PCDHGB2: variants seen among roughly 807,000 people sequenced by gnomAD.
The protein encoded by PCDHGB2 is protocadherin gamma subfamily B, 2, also known as protocadherin gamma-B2.
A neutral mutation model predicts 59.3 loss-of-function variants in PCDHGB2; 55 were observed. The ratio of observed to expected loss-of-function variants is 0.93; its 90% CI spans 0.75 to 1.16. The LOEUF (loss-of-function observed/expected upper bound fraction) is 1.16, where lower values mean the gene tolerates loss of function less well. PCDHGB2 is among the 50% of genes most tolerant of loss of function. PCDHGB2 has a pLI of 0.00. For missense variants in PCDHGB2, 1,228 were observed against 1,198.5 expected (o/e 1.02, Z -0.36); for synonymous variants, 516 against 512.0 (o/e 1.01, Z -0.11).
chr5:141,489,257 T>C lies in PCDHGB2; in HGVS notation c.2422-5550T>C, dbSNP rs2099684606. 5.8e-6 allele frequency: 9 copies of C among 1,550,190 alleles called. No homozygotes were observed. The highest frequency in any genetic ancestry group is 1.4e-5 in the African/African-American group (1 of 73,054). On this transcript the variant is annotated intron_variant, in intron 1 of 3. Transcript: ENST00000522605. This position sits in a 1 kb window ranked among gnomAD's most constrained non-coding sequence, Gnocchi z 4.5. Reference sequence around the variant, plus strand: ...TTCTGGGTCATGGGGCCCAAGACACTCCCACAGCTCGCTGGGAAATGGCAA... The same window carrying C: ...TTCTGGGTCATGGGGCCCAAGACACCCCCACAGCTCGCTGGGAAATGGCAA...
chr5:141,404,466 T>C lies in PCDHGB2; in HGVS notation c.2421+41910T>C, dbSNP rs536211455. ...CAAGGGTCTCCTCTCTCCACCTATG[T>C]CTCTATTAACTCAGACACTGGTGTG... On this transcript the variant is annotated intron_variant, in intron 1 of 3. Transcript: ENST00000522605. 28 of 1,613,558 alleles carry C rather than the reference T, an allele frequency of 1.7e-5. No individual in the cohort carries two copies. Among genetic ancestry groups the C allele is most frequent in the East Asian group, 2.2e-5 (1 of 44,882 alleles).
chr5:141,396,597 G>A (rs2150671251), intron 1 of PCDHGB2: 1 of 151,620 alleles, frequency 6.6e-6, no homozygotes, highest in Middle Eastern at 3.4e-3. Flanking sequence ...TCCAGCCTGG[G>A]CAACAGGGTG....
Position 141,384,336 on chromosome 5 carries a change from C to T in PCDHGB2, c.2421+21780C>T, listed in dbSNP as rs1779973302. On this transcript the variant is annotated intron_variant, in intron 1 of 3. Transcript: ENST00000522605. ...TTTTCTTAGTGACTGCACAGGACCA[C>T]GACAGTGAGGATAATGCCCAGATCA... 9 of 1,613,748 alleles carry T rather than the reference C, an allele frequency of 5.6e-6. No homozygotes were observed. The East Asian group carries it at 1.1e-4, about 20-fold the overall frequency.
At chr5:141,458,563 G>T (rs1181785251) in intron 1 of PCDHGB2, among the ~76,000 whole-genome samples, 1 of 140,116 alleles carries the variant, frequency 7.1e-6, no homozygotes, top group Non-Finnish European at 1.5e-5. Context: ...TTTTGGTTTT[G>T]GGTTTTTGTT....
Position 141,485,449 on chromosome 5 carries a change from A to G in PCDHGB2, c.2422-9358A>G, listed in dbSNP as rs2099613844. 6.2e-7 allele frequency: 1 copy of G among 1,614,054 alleles called. No homozygotes were observed. The highest frequency in any genetic ancestry group is 2.2e-5 in the East Asian group (1 of 44,876). On this transcript the variant is annotated intron_variant, in intron 1 of 3. Coordinates refer to ENST00000522605, the MANE Select transcript of PCDHGB2 (RefSeq NM_018923.3). The surrounding 1 kb of genome is among the most constrained non-coding windows in gnomAD (Gnocchi z 5.7). ...TGCTCATCAAGAACCCAATCGACCG[A>G]GAGGCACTGTGTGGGCTCAGTGCCA...
intron 1 of PCDHGB2, chr5:141,366,203 G>A (rs1764404234): frequency 3.7e-6 from 6 of 1,613,862 alleles, no homozygotes; most frequent in East Asian, 4.5e-5. Flanking sequence ...GCACACGGGC[G>A]AGGTGCGCAC....
intron 1 of PCDHGB2, chr5:141,383,980 C>T: frequency 6.2e-7 from 1 of 1,613,696 alleles, no homozygotes; most frequent in Admixed American, 1.7e-5. Context: ...TGAAGACACA[C>T]CTCTTGGGAC....
rs1561745511 is a variant in PCDHGB2 at position 141,413,844 on chromosome 5, C to T, written c.2421+51288C>T. The stretch of plus-strand genomic sequence containing the variant: ...TCCTCACCGCCTCCGACGGGGGTGA[C>T]CCTCTCCGATCTGGCACTGTCCTTG... On this transcript the variant is annotated intron_variant, in intron 1 of 3. Transcript: ENST00000522605. The T allele has an allele frequency of 5.6e-6, 9 of 1,613,254 alleles. No homozygotes were observed. The East Asian group carries it at 6.7e-5, about 12-fold the overall frequency.
intron 1 of PCDHGB2, chr5:141,419,413 C>A (rs568417008): frequency 6.2e-7 from 1 of 1,613,444 alleles, no homozygotes; most frequent in South Asian, 1.1e-5. Flanking sequence ...TCGCGCAGCG[C>A]GCCTTCGACC....
At chr5:141,423,424 T>C in intron 1 of PCDHGB2, 1 of 1,614,004 alleles carries the variant, frequency 6.2e-7, no homozygotes, top group Non-Finnish European at 8.5e-7. Flanking sequence ...TGAAGGCGGG[T>C]TGGCAGGTAT....
chr5:141,370,228 C>T (rs1172263446), intron 1 of PCDHGB2: 1 of 585,074 alleles, frequency 1.7e-6, no homozygotes, highest in Non-Finnish European at 2.8e-6. Flanking sequence ...CTGCAGCCAG[C>T]TCGGAAGAAA....
chr5:141,410,852 T>A, intron 1 of PCDHGB2: 1 of 284,264 alleles, frequency 3.5e-6, no homozygotes. Context: ...TCTTTGTCTT[T>A]TTTTTTTTTT....
At chr5:141,468,995 T>G (rs533843461) in intron 1 of PCDHGB2, among the ~76,000 whole-genome samples, 1 of 147,628 alleles carries the variant, frequency 6.8e-6, no homozygotes, top group Non-Finnish European at 1.5e-5. Context: ...TTATTGTTTT[T>G]GCTGGGTGCG....
At position 141,431,496 on chromosome 5, in the gene PCDHGB2, A is replaced by C. The variant is rs1223687647; in HGVS notation, c.2422-63311A>C. On this transcript the variant is annotated intron_variant, in intron 1 of 3. Coordinates refer to ENST00000522605, the MANE Select transcript of PCDHGB2 (RefSeq NM_018923.3). This position sits in a 1 kb window ranked among gnomAD's most constrained non-coding sequence, Gnocchi z 4.8. ...AACGCACCAGCGTTTGCTCAGCCCGAGTACCGCGCGAGCGTTCCGGAGAAT... is the reference window on the plus strand; with the variant it reads ...AACGCACCAGCGTTTGCTCAGCCCGCGTACCGCGCGAGCGTTCCGGAGAAT... 5 of 1,614,020 alleles carry C rather than the reference A, an allele frequency of 3.1e-6. No individual in the cohort carries two copies. The South Asian group carries it at 4.4e-5, about 14-fold the overall frequency.
rs754530973 is a variant in PCDHGB2 at position 141,413,859 on chromosome 5, C to T, written c.2421+51303C>T. 11 of 1,613,248 alleles carry T rather than the reference C, an allele frequency of 6.8e-6. No individual in the cohort carries two copies. The Admixed American group carries it at 1.7e-4, about 24-fold the overall frequency. On this transcript the variant is annotated intron_variant, in intron 1 of 3. Transcript: ENST00000522605. ...ACGGGGGTGACCCTCTCCGATCTGG[C>T]ACTGTCCTTGTCAGTGTGACTGTCT...
intron 1 of PCDHGB2, among the ~76,000 whole-genome samples, chr5:141,380,521 A>G (rs1183307813): frequency 1.3e-5 from 2 of 152,218 alleles, no homozygotes; most frequent in South Asian, 4.1e-4. Flanking sequence ...TAAACTATGA[A>G]ATGATTTCAA....
chr5:141,456,263 T>C (rs2098847567), intron 1 of PCDHGB2, among the ~76,000 whole-genome samples: 2 of 152,292 alleles, frequency 1.3e-5, no homozygotes, highest in South Asian at 2.1e-4. Flanking sequence ...CCATTGCTTC[T>C]GGCTACTTCC....
At chr5:141,509,040 C>G (rs1217864661) in intron 3 of PCDHGB2, among the ~76,000 whole-genome samples, 1 of 152,132 alleles carries the variant, frequency 6.6e-6, no homozygotes, top group Non-Finnish European at 1.5e-5. Context: ...CAACCCCTCT[C>G]CCCCGCCCCC....
chr5:141,394,136 C>G, intron 1 of PCDHGB2: 1 of 1,613,956 alleles, frequency 6.2e-7, no homozygotes, highest in Non-Finnish European at 8.5e-7. Flanking sequence ...TCGCTCTGCA[C>G]GTGGCAGACA....
Sources: allele counts gnomAD v4.1 joint callset (sites outside exome capture counted in the v4.1 genomes callset), GRCh38; gene constraint gnomAD v4.1.1; non-coding constraint Gnocchi (gnomAD v3.1); transcripts MANE v1.5; gene names NCBI Gene and HGNC (gene_info 2026-07-23, HGNC 2026-07-21).